Variants in PCGF5 observed in about 807,000 individuals in gnomAD.
PCGF5 encodes the protein polycomb group RING finger protein 5.
Under a neutral mutation model 44.3 loss-of-function variants are expected in PCGF5, and 9 were observed. The ratio of observed to expected loss-of-function variants is 0.20; its 90% confidence interval spans 0.12 to 0.35. The LOEUF (loss-of-function observed/expected upper bound fraction) is 0.35. Among genes scored for constraint, PCGF5 ranks in the 10% least tolerant of loss-of-function variants. The pLI, the probability that PCGF5 is intolerant of heterozygous loss-of-function variation, is 1.00. For synonymous variants in PCGF5, 95 were observed against 102.5 expected, an observed-to-expected ratio of 0.93 and a Z score of 0.44; for missense variants, 146 against 305.3, an observed-to-expected ratio of 0.48 and a Z score of 3.89.
intron 9 of PCGF5, among the ~76,000 whole-genome samples, chr10:91,275,810 T>C (rs1013787430): frequency 6.6e-6 from 1 of 152,132 alleles, no homozygotes; most frequent in African/African-American, 2.4e-5. Flanking sequence ...CTTTAAAATA[T>C]GTATGCTGTT....
At chr10:91,242,655 A>G (rs1053261280) in intron 3 of PCGF5, among the ~76,000 whole-genome samples, 3 of 152,200 alleles carry the variant, frequency 2.0e-5, no homozygotes, top group African/African-American at 7.2e-5. Flanking sequence ...AAGTAGTACA[A>G]GAGCCACTTG....
intron 3 of PCGF5, among the ~76,000 whole-genome samples, chr10:91,240,883 A>G (rs1194888710): frequency 6.6e-6 from 1 of 151,720 alleles, no homozygotes; most frequent in African/African-American, 2.4e-5. Flanking sequence ...GTTGAGCTAC[A>G]TGGTAGTAGA....
intron 2 of PCGF5, among the ~76,000 whole-genome samples, chr10:91,233,150 C>CATGGAATTTAT: frequency 6.6e-6 from 1 of 152,244 alleles, no homozygotes; most frequent in South Asian, 2.1e-4. Flanking sequence ...TTTGATTGAT[C>CATGGAATTTAT]ATGGAATTTA....
intron 1 of PCGF5, among the ~76,000 whole-genome samples, chr10:91,184,719 G>GT (rs1843886393): frequency 6.6e-6 from 1 of 151,254 alleles, no homozygotes; most frequent in African/African-American, 2.4e-5. Flanking sequence ...TGAGGTTGCT[G>GT]TTTTGTTTTT....
rs1286645799 is a variant in PCGF5, at chr10:91,195,447, TATATGCATATATATATATGCATGC to T, written c.-183-27237_-183-27214del. On this transcript the variant is annotated intron_variant, in intron 1 of 9. Transcript: ENST00000614189. ...TAATTGAATATAAATCATATGTATATATATGCATATATATATATGCATGCATATATATATATATAGAGAGAGAGA... is the reference window on the plus strand; with the variant it reads ...TAATTGAATATAAATCATATGTATATATATATATATATATAGAGAGAGAGA... 8.6e-4 allele frequency among the ~76,000 whole-genome samples: 112 copies of T among 129,580 alleles called. 1 individual carries two copies. The East Asian group carries it at 0.022, about 26-fold the overall frequency. 85.0% of individuals were successfully genotyped at this position (129,580 alleles called of 152,430 possible).
chr10:91,215,687 C>G (rs1844527804), upstream of PCGF5, among the ~76,000 whole-genome samples: 1 of 152,222 alleles, frequency 6.6e-6, no homozygotes, highest in South Asian at 2.1e-4. Context: ...TTTCTTCTGG[C>G]CTTCTCATTT....
chr10:91,277,504 G>A (rs1206127066), intron 9 of PCGF5, among the ~76,000 whole-genome samples: 2 of 151,994 alleles, frequency 1.3e-5, no homozygotes, highest in Non-Finnish European at 2.9e-5. Flanking sequence ...AGGTAGCGTG[G>A]CATATGCCAT....
At chr10:91,259,861 C>G (rs1184898540) in intron 6 of PCGF5, among the ~76,000 whole-genome samples, 2 of 151,914 alleles carry the variant, frequency 1.3e-5, no homozygotes, top group Non-Finnish European at 2.9e-5. Context: ...CCATAAAAAC[C>G]CTAGAAGAAA....
intron 8 of PCGF5, among the ~76,000 whole-genome samples, chr10:91,265,285 C>T (rs762596824): frequency 3.3e-5 from 5 of 151,930 alleles, no homozygotes; most frequent in East Asian, 3.9e-4. Context: ...ATTTGAGGTA[C>T]TAGGGATTGT....
At chr10:91,272,581 T>C (rs1846205579) in intron 9 of PCGF5, among the ~76,000 whole-genome samples, 1 of 152,116 alleles carries the variant, frequency 6.6e-6, no homozygotes, top group Non-Finnish European at 1.5e-5. Flanking sequence ...GAGACCAGCC[T>C]TGACAACATG....
chr10:91,264,128 G>T (rs1845991164), intron 7 of PCGF5, among the ~76,000 whole-genome samples: 1 of 152,138 alleles, frequency 6.6e-6, no homozygotes, highest in East Asian at 1.9e-4. Context: ...ACCTCTAAGA[G>T]ACATGACAGA....
chr10:91,173,752 T>G (rs543168494), intron 1 of PCGF5, among the ~76,000 whole-genome samples: 1 of 152,252 alleles, frequency 6.6e-6, no homozygotes, highest in East Asian at 1.9e-4. Flanking sequence ...AAACTGTGAA[T>G]TTAGTATTTA....
At position 91,281,424 on chromosome 10, in the gene PCGF5, C is replaced by G. The variant is rs1356389094; in HGVS notation, c.*3108C>G. On this transcript the variant is annotated 3_prime_UTR_variant, in exon 10 of 10. Transcript: ENST00000336126. Reference sequence around the variant, plus strand: ...TTATATAATATTGTGAACTGTTTAGCTTTACTGAAATATTTAAGAGAAAGT... The same window carrying G: ...TTATATAATATTGTGAACTGTTTAGGTTTACTGAAATATTTAAGAGAAAGT... The G allele has an allele frequency of 6.6e-6, 1 of 152,500 alleles. No homozygotes were observed. The highest frequency in any genetic ancestry group is 1.5e-5 in the Non-Finnish European group (1 of 67,952). The allele number at this position is 152,500 out of a possible 1,614,324, so 9.4% of individuals were successfully genotyped here. A position where few individuals can be genotyped will look rare whatever the true frequency, so the allele number is the denominator to read the frequency against.
chr10:91,172,422 G>C lies in PCGF5; in HGVS notation c.-184+9341G>C, dbSNP rs569874157. Among the ~76,000 whole-genome samples the C allele has an allele frequency of 2.7e-5, 4 of 146,480 alleles. No individual in the cohort carries two copies. In the East Asian group the frequency reaches 7.9e-4, roughly 29 times the overall value. ...CCACAGAATGAAACTCCCCTTCAGA[G>C]AAAAAAAAAATGCCCTCTAGGGCAG... On this transcript the variant is annotated intron_variant, in intron 1 of 9. Transcript: ENST00000614189.
At chr10:91,177,007 C>T (rs898493104) in intron 1 of PCGF5, among the ~76,000 whole-genome samples, 9 of 152,232 alleles carry the variant, frequency 5.9e-5, no homozygotes, top group African/African-American at 1.9e-4. Flanking sequence ...TTCAGTTTTT[C>T]TGCTCTGTTT....
At chr10:91,182,960 A>G (rs1280017702) in intron 1 of PCGF5, among the ~76,000 whole-genome samples, 1 of 152,090 alleles carries the variant, frequency 6.6e-6, no homozygotes. Context: ...TTCTAATTTG[A>G]TTGTGCTGTG....
intron 5 of PCGF5, 54 bp downstream of exon 5, chr10:91,248,778 T>C (rs1453844109): frequency 2.8e-6 from 4 of 1,448,252 alleles, no homozygotes; most frequent in Non-Finnish European, 3.8e-6. Flanking sequence ...GGTCAGCTTT[T>C]CATAGTTTAG....
At chr10:91,172,799 T>C (rs185808281) in intron 1 of PCGF5, among the ~76,000 whole-genome samples, 23 of 152,352 alleles carry the variant, frequency 1.5e-4, no homozygotes, top group Admixed American at 9.1e-4. Context: ...AGTTTATTGC[T>C]TTCACAGCTA....
At chr10:91,271,541 A>T (rs1215020499) in intron 8 of PCGF5, 97 bp from the exon 9 acceptor site, 2 of 911,200 alleles carry the variant, frequency 2.2e-6, no homozygotes, top group Non-Finnish European at 3.3e-6. Context: ...AATCATGTTG[A>T]CTCTTGTGTT....
Sources: allele counts gnomAD v4.1 joint callset (sites outside exome capture counted in the v4.1 genomes callset), GRCh38; gene constraint gnomAD v4.1.1; transcripts MANE v1.5; gene names NCBI Gene and HGNC (gene_info 2026-07-23, HGNC 2026-07-21).